IWS1: variants seen among roughly 807,000 people sequenced by gnomAD.
The protein encoded by IWS1 is interacts with SUPT6H, CTD assembly factor 1.
In IWS1, 27 loss-of-function variants were observed where a neutral mutation model predicts 86.7. That is an observed-to-expected ratio of 0.31 (90% confidence interval 0.23 to 0.43). The LOEUF (loss-of-function observed/expected upper bound fraction) is 0.43, where lower values mean the gene tolerates loss of function less well. IWS1 is among the 20% of genes least tolerant of loss of function. IWS1 has a pLI of 1.00. For synonymous variants in IWS1, 313 were observed against 335.1 expected, an observed-to-expected ratio of 0.93 and a Z score of 0.72; for missense variants, 827 against 1,000.8, an observed-to-expected ratio of 0.83 and a Z score of 2.34.
intron 13 of IWS1, 65 bp downstream of exon 13, chr2:127,486,488 T>A: frequency 8.8e-7 from 1 of 1,133,904 alleles, no homozygotes; most frequent in Non-Finnish European, 1.3e-6. Flanking sequence ...TATTAACACA[T>A]GAAGTAAAGA....
intron 2 of IWS1, among the ~76,000 whole-genome samples, chr2:127,507,370 A>T (rs115332222): frequency 0.013 from 1,955 of 152,308 alleles, 42 homozygotes; most frequent in African/African-American, 0.044. Flanking sequence ...TGCTATACAC[A>T]GTCACTGAAA....
intron 6 of IWS1, among the ~76,000 whole-genome samples, chr2:127,496,920 A>T (rs1690542292): frequency 6.6e-6 from 1 of 152,184 alleles, no homozygotes; most frequent in Admixed American, 6.5e-5. Context: ...TAGATACACA[A>T]ATACCATTGT....
chr2:127,481,058 T>G lies in IWS1; in HGVS notation c.2446A>C (p.Lys816Gln). The G allele has an allele frequency of 6.2e-7, 1 of 1,610,014 alleles. No individual in the cohort carries two copies. Among genetic ancestry groups the G allele is most frequent in the Non-Finnish European group, 8.5e-7 (1 of 1,178,806 alleles). The change falls in exon 14 of 14, where the codon AAA (lysine) becomes CAA (glutamine). Residue 816 changes from lysine to glutamine, a missense_variant. Lys to Gln is a moderately conservative substitution (Grantham distance 53). This residue lies in a region of IWS1 where 279 missense variants were observed against 440.6 expected (regional missense o/e 0.63). Transcript: ENST00000295321. ...TCCAGGCAAGGTCACAATGGCATTT[T>G]GTTGCCCTCAATGCTGATTTTCACT... ...HAVKISIEGN[K>Q]MPL
intron 3 of IWS1, 81 bp downstream of exon 3, chr2:127,504,603 C>A (rs1448817516): frequency 1.0e-6 from 1 of 988,170 alleles, no homozygotes; most frequent in Non-Finnish European, 1.5e-6. Context: ...ATCTGACATA[C>A]CAAGAGGATA....
rs777465108 is a variant in IWS1, at chr2:127,505,459, G to A, written c.444C>T (p.Asn148=). 299 of 1,613,814 alleles carry A rather than the reference G, an allele frequency of 1.9e-4. 2 individuals carry two copies. The Admixed American group carries it at 4.6e-3, about 25-fold the overall frequency. The stretch of plus-strand genomic sequence containing the variant: ...TGGCGGGATGCTTCCCAACATCTTC[G>A]TTTTCTGAGTCACTTGCATGCCCAT... ...LLNGHASDSE[N]EDVGKHPASD... Residue 148 remains asparagine, a synonymous_variant, in exon 3 of 14, where the codon AAC becomes AAT. Coordinates refer to ENST00000295321, the MANE Select transcript of IWS1 (RefSeq NM_017969.3). This position sits in a 1 kb window ranked among gnomAD's most constrained non-coding sequence, Gnocchi z 5.0.
chr2:127,517,517 T>C (rs1691839863), intron 2 of IWS1, among the ~76,000 whole-genome samples: 1 of 152,120 alleles, frequency 6.6e-6, no homozygotes, highest in South Asian at 2.1e-4. Flanking sequence ...CAAATGGCAA[T>C]GGGATAACTA....
At chr2:127,498,389 G>C in intron 5 of IWS1, 152 bp from the exon 6 acceptor site, 1 of 671,814 alleles carries the variant, frequency 1.5e-6, no homozygotes, top group South Asian at 2.0e-5. Context: ...CCAGCCACTA[G>C]TGTTACTAGG....
intron 7 of IWS1, among the ~76,000 whole-genome samples, chr2:127,495,608 G>C (rs1690472718): frequency 6.6e-6 from 1 of 152,156 alleles, no homozygotes; most frequent in Admixed American, 6.5e-5. Flanking sequence ...ATTTTTATAA[G>C]TTGAGCAGAT....
upstream of IWS1, chr2:127,526,787 A>G: frequency 1.1e-6 from 1 of 910,042 alleles, no homozygotes; most frequent in South Asian, 1.4e-5. Context: ...CTTTTCCGTC[A>G]TTCAGCCAAA....
At position 127,526,195 on chromosome 2, in the gene IWS1, T is replaced by C. The variant is rs1373919332; in HGVS notation, c.14A>G (p.Tyr5Cys). Reference sequence around the variant, plus strand: ...CCCACCTGACTGGTCGCCGCTGTAATATTCCGAGTCCATGGCAGGCGGACT... The same window carrying C: ...CCCACCTGACTGGTCGCCGCTGTAACATTCCGAGTCCATGGCAGGCGGACT... Reference protein sequence around the residue: MDSEYYSGDQSDDGG... With the variant: MDSECYSGDQSDDGG... Residue 5 changes from tyrosine to cysteine, a missense_variant, in exon 1 of 14, where the codon TAT (tyrosine) becomes TGT (cysteine). By Grantham distance (194) the Tyr-to-Cys change is radical. Coordinates refer to ENST00000295321, the MANE Select transcript of IWS1 (RefSeq NM_017969.3). 3 of 1,596,442 alleles carry C rather than the reference T, an allele frequency of 1.9e-6. No individual in the cohort carries two copies. The highest frequency in any genetic ancestry group is 1.7e-6 in the Non-Finnish European group (2 of 1,171,994).
chr2:127,523,914 A>T (rs1054633723), intron 1 of IWS1, 123 bp from the exon 2 acceptor site: 2 of 662,954 alleles, frequency 3.0e-6, no homozygotes. Flanking sequence ...GCATTAACTA[A>T]AGTTGCTAAT....
At position 127,518,700 on chromosome 2, in the gene IWS1, G is replaced by A. The variant is rs1475730034; in HGVS notation, c.150+4976C>T. Among the ~76,000 whole-genome samples, 4 of 151,888 alleles carry A rather than the reference G, an allele frequency of 2.6e-5. No homozygotes were observed. In the East Asian group the frequency reaches 7.8e-4, roughly 29 times the overall value. On this transcript the variant is annotated intron_variant, in intron 2 of 13. Transcript: ENST00000295321. Reference sequence around the variant, plus strand: ...CCGGCCTCAGCCTCCCGAGTAGCTGGGATTATAGGAGCCTGTCACCACGCC... The same window carrying A: ...CCGGCCTCAGCCTCCCGAGTAGCTGAGATTATAGGAGCCTGTCACCACGCC...
intron 13 of IWS1, chr2:127,482,466 A>T (rs1336465580): frequency 6.6e-6 from 1 of 152,254 alleles, no homozygotes; most frequent in South Asian, 2.1e-4. Context: ...CCACCATCAC[A>T]CTATCTCCCA....
intron 2 of IWS1, among the ~76,000 whole-genome samples, chr2:127,521,477 T>C (rs1224766522): frequency 6.6e-6 from 1 of 152,200 alleles, no homozygotes; most frequent in African/African-American, 2.4e-5. Flanking sequence ...GATACACCCA[T>C]AGTAAGCTGA....
chr2:127,514,751 C>T (rs552758801), intron 2 of IWS1: 11 of 152,694 alleles, frequency 7.2e-5, no homozygotes, highest in Admixed American at 5.9e-4. Context: ...GCAGCTGACC[C>T]GCCTGGCTGT....
chr2:127,506,597 T>C lies in IWS1; in HGVS notation c.151-845A>G, dbSNP rs570866535. 3.9e-4 allele frequency: 63 copies of C among 162,474 alleles called. 1 individual carries two copies. In the Middle Eastern group the frequency reaches 4.7e-3, roughly 12 times the overall value. The allele number at this position is 162,474 out of a possible 1,614,324, so 10.1% of individuals were successfully genotyped here. On this transcript the variant is annotated intron_variant, in intron 2 of 13. Transcript: ENST00000295321. ...AAAGGAGAAGTTAACATTTCCTAAGTACCCACTAAGAGCCAATACCACAAC... is the reference window on the plus strand; with the variant it reads ...AAAGGAGAAGTTAACATTTCCTAAGCACCCACTAAGAGCCAATACCACAAC...
At position 127,505,679 on chromosome 2, in the gene IWS1, A is replaced by G; in HGVS notation, c.224T>C (p.Leu75Ser). ...TTCAGAGTCACTAGCATTAAGATTTAAGGGCTCATCGTTCTCAGAGTCTGT... is the reference window on the plus strand; with the variant it reads ...TTCAGAGTCACTAGCATTAAGATTTGAGGGCTCATCGTTCTCAGAGTCTGT... ...HVTDSENDEPLNLNASDSESE... is the reference protein window; with the variant it reads ...HVTDSENDEPSNLNASDSESE... Residue 75 changes from leucine (L) to serine (S), a missense_variant, in exon 3 of 14, where the codon TTA (leucine) becomes TCA (serine). This residue lies in a region of IWS1 where 548 missense variants were observed against 560.2 expected (regional missense o/e 0.98). Coordinates refer to ENST00000295321, the MANE Select transcript of IWS1 (RefSeq NM_017969.3). This position sits in a 1 kb window ranked among gnomAD's most constrained non-coding sequence, Gnocchi z 5.0. The G allele has an allele frequency of 6.2e-7, 1 of 1,613,762 alleles. No homozygotes were observed. The highest frequency in any genetic ancestry group is 8.5e-7 in the Non-Finnish European group (1 of 1,179,890).
chr2:127,482,617 A>G (rs1689690929), intron 13 of IWS1: 1 of 152,446 alleles, frequency 6.6e-6, no homozygotes, highest in Non-Finnish European at 1.5e-5. Flanking sequence ...TCACACATTA[A>G]CTGGACTTCC....
At chr2:127,504,479 A>G (rs961625268) in intron 3 of IWS1, among the ~76,000 whole-genome samples, 1 of 152,190 alleles carries the variant, frequency 6.6e-6, no homozygotes, top group African/African-American at 2.4e-5. Flanking sequence ...TCAGAGATTA[A>G]TATGTGCTAA....
Sources: gnomAD v4.1 joint callset for allele counts (sites outside exome capture counted in the v4.1 genomes callset) on GRCh38, gnomAD v4.1.1 for gene constraint, gnomAD v4.1.1 regional missense constraint, Gnocchi (gnomAD v3.1) non-coding constraint, MANE v1.5 for transcripts, NCBI Gene and HGNC (gene_info 2026-07-23, HGNC 2026-07-21) for gene names.